Variants in LDB2 observed in about 807,000 individuals in gnomAD.
LDB2 encodes the protein LIM domain-binding protein 2.
LDB2 carries 12 observed loss-of-function variants against 44.3 expected under a neutral mutation model. That is an observed-to-expected ratio of 0.27 (90% confidence interval 0.17 to 0.44). LDB2 has a LOEUF of 0.44. Among genes scored for constraint, LDB2 ranks in the 20% least tolerant of loss-of-function variants. LDB2 has a pLI of 1.00. For synonymous variants in LDB2, 164 were observed against 174.8 expected (o/e 0.94, Z 0.49); for missense variants, 344 against 473.5 (o/e 0.73, Z 2.54).
chr4:16,838,717 C>A (rs1003215134), intron 1 of LDB2, among the ~76,000 whole-genome samples: 9 of 152,206 alleles, frequency 5.9e-5, no homozygotes, highest in Non-Finnish European at 1.2e-4. Flanking sequence ...GAGTAGGCAA[C>A]TTCCAGTGTG....
At chr4:16,508,267 G>C (rs374986509) in intron 7 of LDB2, among the ~76,000 whole-genome samples, 1 of 152,118 alleles carries the variant, frequency 6.6e-6, no homozygotes, top group Non-Finnish European at 1.5e-5. Flanking sequence ...CATATCTCCT[G>C]TCTGTGACTC....
At chr4:16,839,418 C>T (rs1785461273) in intron 1 of LDB2, among the ~76,000 whole-genome samples, 1 of 152,150 alleles carries the variant, frequency 6.6e-6, no homozygotes, top group South Asian at 2.1e-4. Flanking sequence ...TCACAAACTC[C>T]CCATTAATCT....
chr4:16,758,484 C>T (rs1471062285), intron 2 of LDB2, among the ~76,000 whole-genome samples: 1 of 152,160 alleles, frequency 6.6e-6, no homozygotes, highest in Non-Finnish European at 1.5e-5. Context: ...GCATCTATGC[C>T]TCCTGGTCTG....
chr4:16,740,670 G>C (rs1186714122), intron 2 of LDB2, among the ~76,000 whole-genome samples: 1 of 152,194 alleles, frequency 6.6e-6, no homozygotes, highest in Non-Finnish European at 1.5e-5. Flanking sequence ...TTGGAGAACT[G>C]TGTTCAGGAT....
At chr4:16,839,412 A>G (rs1785459826) in intron 1 of LDB2, among the ~76,000 whole-genome samples, 1 of 152,158 alleles carries the variant, frequency 6.6e-6, no homozygotes, top group Non-Finnish European at 1.5e-5. Context: ...GACAATTCAC[A>G]AACTCCCCAT....
At chr4:16,650,763 A>C (rs1376503963) in intron 2 of LDB2, among the ~76,000 whole-genome samples, 2 of 152,182 alleles carry the variant, frequency 1.3e-5, no homozygotes, top group Non-Finnish European at 2.9e-5. Context: ...CTGCCATTTC[A>C]GTTCATATGT....
At chr4:16,785,571 C>T (rs969824622) in intron 1 of LDB2, among the ~76,000 whole-genome samples, 6 of 152,246 alleles carry the variant, frequency 3.9e-5, no homozygotes, top group South Asian at 2.1e-4. Flanking sequence ...CGGGTGAAAG[C>T]AGAGAAAACA....
chr4:16,766,518 T>C (rs1769327327), intron 1 of LDB2, among the ~76,000 whole-genome samples: 2 of 147,636 alleles, frequency 1.4e-5, no homozygotes, highest in East Asian at 3.9e-4. Flanking sequence ...ATATTTTTTT[T>C]TTTTTGAGAC....
intron 2 of LDB2, among the ~76,000 whole-genome samples, chr4:16,641,499 C>T (rs930427471): frequency 5.3e-5 from 8 of 152,010 alleles, no homozygotes; most frequent in Non-Finnish European, 7.4e-5. Flanking sequence ...GTAAGGGCCT[C>T]GGGGGGCTTT....
At chr4:16,863,133 TA>T (rs1365885487) in intron 1 of LDB2, among the ~76,000 whole-genome samples, 2 of 152,210 alleles carry the variant, frequency 1.3e-5, no homozygotes, top group Non-Finnish European at 2.9e-5. Flanking sequence ...ATGTATTGAC[TA>T]ATGATTCCAA....
At chr4:16,527,130 G>A (rs1560369125) in intron 5 of LDB2, among the ~76,000 whole-genome samples, 1 of 152,170 alleles carries the variant, frequency 6.6e-6, no homozygotes, top group Non-Finnish European at 1.5e-5. Context: ...CCAAATCTCA[G>A]AGAAAGTTAG....
intron 1 of LDB2, among the ~76,000 whole-genome samples, chr4:16,879,170 G>A (rs1172342766): frequency 6.6e-6 from 1 of 152,164 alleles, no homozygotes; most frequent in Non-Finnish European, 1.5e-5. Context: ...TAATGGATCT[G>A]CTGAAGAACA....
At chr4:16,811,214 C>T (rs1240124932) in intron 1 of LDB2, among the ~76,000 whole-genome samples, 20 of 152,186 alleles carry the variant, frequency 1.3e-4, no homozygotes, top group Admixed American at 1.3e-3. Context: ...TTCAGGGTAT[C>T]TGGGTTTATA....
chr4:16,546,022 G>T (rs928744789), intron 5 of LDB2, among the ~76,000 whole-genome samples: 3 of 152,144 alleles, frequency 2.0e-5, no homozygotes, highest in South Asian at 2.1e-4. Context: ...AAATTAAAAG[G>T]TCTGAGAGGT....
At chr4:16,572,542 TTTTG>T (rs1291813824) in intron 5 of LDB2, among the ~76,000 whole-genome samples, 1 of 152,252 alleles carries the variant, frequency 6.6e-6, no homozygotes, top group African/African-American at 2.4e-5. Flanking sequence ...GAAATACTGT[TTTTG>T]TTTATTTTGT....
chr4:16,704,248 C>T (rs1754119246), intron 2 of LDB2, among the ~76,000 whole-genome samples: 1 of 152,128 alleles, frequency 6.6e-6, no homozygotes, highest in South Asian at 2.1e-4. Context: ...TCTACCAATT[C>T]TAGAAGTTCC....
intron 3 of LDB2, 21 bp downstream of exon 3, chr4:16,595,682 G>A (rs749325658): frequency 5.0e-6 from 8 of 1,602,190 alleles, no homozygotes; most frequent in Admixed American, 3.4e-5. Context: ...AGCCGGGCAT[G>A]TGACAGAGCC....
Position 16,544,583 on chromosome 4 carries a change from T to C in LDB2, c.616-32479A>G, listed in dbSNP as rs572970583. On this transcript the variant is annotated intron_variant, in intron 5 of 7. Coordinates refer to ENST00000304523, the MANE Select transcript of LDB2 (RefSeq NM_001290.5). ...TGTTCCTGGGAGAAGGGGAGAGGTT[T>C]TGGATCCGGAGCATGGTGTGAAGAT... is the stretch of plus-strand genomic sequence containing the variant. 3.1e-3 allele frequency among the ~76,000 whole-genome samples: 472 copies of C among 152,244 alleles called. 2 individuals carry two copies. Among genetic ancestry groups the C allele is most frequent in the African/African-American group, 0.011 (452 of 41,548 alleles).
intron 2 of LDB2, among the ~76,000 whole-genome samples, chr4:16,675,542 G>A (rs186787684): frequency 4.3e-4 from 65 of 151,656 alleles, no homozygotes; most frequent in African/African-American, 1.5e-3. Flanking sequence ...GGGAAAGGCA[G>A]GGATATAGAT....
Sources: allele counts gnomAD v4.1 joint callset (sites outside exome capture counted in the v4.1 genomes callset), GRCh38; gene constraint gnomAD v4.1.1; transcripts MANE v1.5; gene names NCBI Gene and HGNC (gene_info 2026-07-23, HGNC 2026-07-21).